Variants in FSTL4 observed in about 807,000 individuals in gnomAD.
FSTL4 encodes the protein follistatin-related protein 4.
In FSTL4, 28 loss-of-function variants were observed where a neutral mutation model predicts 78.2. The observed-to-expected ratio is 0.36, with a 90% confidence interval of 0.27 to 0.49. The LOEUF (loss-of-function observed/expected upper bound fraction) is 0.49, where lower values mean the gene tolerates loss of function less well. Ranked by LOEUF, FSTL4 falls within the 20% of genes least tolerant of loss-of-function variation. The probability of loss-of-function intolerance (pLI) is 0.98; values close to 1 mark genes in which losing one functional copy is unlikely to be tolerated. For synonymous variants in FSTL4, 422 were observed against 440.5 expected, an observed-to-expected ratio of 0.96 and a Z score of 0.53; for missense variants, 922 against 1,084.9, an observed-to-expected ratio of 0.85 and a Z score of 2.11.
chr5:133,364,256 C>G (rs1268536319), intron 4 of FSTL4, among the ~76,000 whole-genome samples: 1 of 151,478 alleles, frequency 6.6e-6, no homozygotes, highest in Admixed American at 6.6e-5. Context: ...GGTCTCCAGA[C>G]TGCTTGTAAC....
At chr5:133,406,231 G>T (rs1756360574) in intron 3 of FSTL4, among the ~76,000 whole-genome samples, 1 of 152,218 alleles carries the variant, frequency 6.6e-6, no homozygotes, top group Admixed American at 6.5e-5. Context: ...ACCCTTGGGT[G>T]CCCTGGAACC....
At chr5:133,450,087 T>C (rs1757351084) in intron 3 of FSTL4, among the ~76,000 whole-genome samples, 1 of 152,186 alleles carries the variant, frequency 6.6e-6, no homozygotes, top group Non-Finnish European at 1.5e-5. Context: ...CCAGCTGGCT[T>C]TGAAAGAATT....
chr5:133,824,410 C>T, the FSTL4 span, among the ~76,000 whole-genome samples: 2 of 152,188 alleles, frequency 1.3e-5, no homozygotes, highest in African/African-American at 4.8e-5. Flanking sequence ...AGGCATGTGC[C>T]CCCATCCTGA....
chr5:133,579,418 G>GT (rs1561476179), intron 2 of FSTL4, among the ~76,000 whole-genome samples: 1 of 152,148 alleles, frequency 6.6e-6, no homozygotes, highest in African/African-American at 2.4e-5. Flanking sequence ...CCTGTGATGC[G>GT]TTCCTCATTC....
chr5:133,387,612 A>G (rs947626050), intron 4 of FSTL4, among the ~76,000 whole-genome samples: 2 of 151,918 alleles, frequency 1.3e-5, no homozygotes, highest in African/African-American at 4.8e-5. Context: ...TTTCTCTCTA[A>G]TTGGTTAATC....
intron 4 of FSTL4, among the ~76,000 whole-genome samples, chr5:133,327,428 C>A (rs73282050): frequency 0.016 from 2,460 of 152,284 alleles, 60 homozygotes; most frequent in African/African-American, 0.051. Context: ...CTTACCTTCC[C>A]CCTACCTGAC....
At chr5:133,522,747 A>T (rs1210353742) in intron 3 of FSTL4, among the ~76,000 whole-genome samples, 3 of 152,252 alleles carry the variant, frequency 2.0e-5, no homozygotes, top group Non-Finnish European at 2.9e-5. Context: ...ACGGGCATCC[A>T]GCATTCATTC....
the FSTL4 span, among the ~76,000 whole-genome samples, chr5:133,702,843 G>A: frequency 6.6e-6 from 1 of 152,150 alleles, no homozygotes; most frequent in Non-Finnish European, 1.5e-5. Flanking sequence ...CACTGAAGAG[G>A]CAGGGCACTG....
the FSTL4 span, among the ~76,000 whole-genome samples, chr5:133,718,331 G>A: frequency 1.0e-3 from 158 of 152,092 alleles, no homozygotes; most frequent in Non-Finnish European, 1.8e-3. Context: ...CGCCTGCCTC[G>A]GCCTCCCAAA....
chr5:133,479,419 G>C (rs868706932), intron 3 of FSTL4, among the ~76,000 whole-genome samples: 1 of 152,250 alleles, frequency 6.6e-6, no homozygotes, highest in Non-Finnish European at 1.5e-5. Flanking sequence ...TCCATCTAAA[G>C]AGGGTAATAC....
At chr5:133,228,834 A>C (rs942485207) in intron 8 of FSTL4, among the ~76,000 whole-genome samples, 5 of 152,252 alleles carry the variant, frequency 3.3e-5, no homozygotes. Context: ...GGAAAAAAGA[A>C]AAAGGACAAA....
chr5:133,517,542 TATAA>T (rs1051705818), intron 3 of FSTL4, among the ~76,000 whole-genome samples: 8 of 112,370 alleles, frequency 7.1e-5, no homozygotes, highest in African/African-American at 2.7e-4. Context: ...TAAAAGAAAA[TATAA>T]ATAAACATTT....
the FSTL4 span, among the ~76,000 whole-genome samples, chr5:133,831,853 G>A: frequency 5.3e-5 from 8 of 152,186 alleles, no homozygotes; most frequent in African/African-American, 9.7e-5. Context: ...CTCTGGCACC[G>A]CTGGATGGGA....
chr5:133,419,251 C>T (rs889451847), intron 3 of FSTL4, among the ~76,000 whole-genome samples: 1 of 152,204 alleles, frequency 6.6e-6, no homozygotes, highest in African/African-American at 2.4e-5. Context: ...TCCCGAGTAG[C>T]TGGCACTACA....
chr5:133,421,284 G>A (rs1479858008), intron 3 of FSTL4, among the ~76,000 whole-genome samples: 1 of 152,262 alleles, frequency 6.6e-6, no homozygotes, highest in East Asian at 1.9e-4. Flanking sequence ...ACACATCCTG[G>A]TACAGGGGTT....
chr5:133,366,154 C>A (rs904894506), intron 4 of FSTL4, among the ~76,000 whole-genome samples: 1 of 152,212 alleles, frequency 6.6e-6, no homozygotes, highest in East Asian at 1.9e-4. Flanking sequence ...GTGTCAAGCT[C>A]CTTTCAGGTT....
chr5:133,513,534 G>A (rs73788115), intron 3 of FSTL4, among the ~76,000 whole-genome samples: 1 of 152,316 alleles, frequency 6.6e-6, no homozygotes, highest in African/African-American at 2.4e-5. Context: ...AAGAGGAACT[G>A]CATGAAGTGG....
the FSTL4 span, among the ~76,000 whole-genome samples, chr5:133,818,201 C>G: frequency 0.022 from 3,394 of 152,302 alleles, 127 homozygotes; most frequent in African/African-American, 0.077. Context: ...CCCAGAAATT[C>G]TGATAGCAGC....
intron 3 of FSTL4, among the ~76,000 whole-genome samples, chr5:133,494,611 CCTT>C (rs1338449273): frequency 1.3e-5 from 2 of 152,228 alleles, no homozygotes; most frequent in Admixed American, 6.5e-5. Flanking sequence ...CGTCTTTTGA[CCTT>C]CTGGGATTCC....
Sources: gnomAD v4.1 joint callset for allele counts (sites outside exome capture counted in the v4.1 genomes callset) on GRCh38, gnomAD v4.1.1 for gene constraint, MANE v1.5 for transcripts, NCBI Gene and HGNC (gene_info 2026-07-23, HGNC 2026-07-21) for gene names.